The following RALGAPA1 variants were observed in gnomAD, a reference collection of about 807,000 sequenced individuals.
The protein encoded by RALGAPA1 is Ral GTPase activating protein catalytic subunit alpha 1.
RALGAPA1 carries 52 observed loss-of-function variants against 269.6 expected under a neutral mutation model. The ratio of observed to expected loss-of-function variants is 0.19; its 90% CI spans 0.15 to 0.24. RALGAPA1 has a LOEUF of 0.24. Among genes scored for constraint, RALGAPA1 ranks in the 10% least tolerant of loss-of-function variants. The pLI is 1.00. For synonymous variants in RALGAPA1, 817 were observed against 1,008.3 expected (o/e 0.81, Z 3.60); for missense variants, 1,917 against 3,013.9 (o/e 0.64, Z 8.52).
intron 35 of RALGAPA1, among the ~76,000 whole-genome samples, chr14:35,606,940 G>A (rs979636183): frequency 7.9e-5 from 12 of 152,140 alleles, no homozygotes; most frequent in African/African-American, 1.7e-4. Context: ...TTTAGGTGAT[G>A]AGCACATAGG....
At chr14:35,622,539 A>G (rs536664446) in intron 35 of RALGAPA1, among the ~76,000 whole-genome samples, 1 of 152,332 alleles carries the variant, frequency 6.6e-6, no homozygotes, top group South Asian at 2.1e-4. Flanking sequence ...AAATATATAC[A>G]CTTACAATGT....
intron 39 of RALGAPA1, among the ~76,000 whole-genome samples, chr14:35,559,621 C>T (rs2055976661): frequency 6.6e-6 from 1 of 152,154 alleles, no homozygotes; most frequent in Admixed American, 6.5e-5. Context: ...TCTCTTTCTT[C>T]TCGTGCACTG....
At chr14:35,624,156 C>CAAAAAAAAAAAAAAAAA (rs377171729) in intron 35 of RALGAPA1, among the ~76,000 whole-genome samples, 7 of 21,832 alleles carry the variant, frequency 3.2e-4, no homozygotes, top group Non-Finnish European at 5.5e-4. Context: ...TAATACAACG[C>CAAAAAAAAAAAAAAAAA]AAAAAAAAAA....
At chr14:35,678,386 C>T (rs374008922) in intron 21 of RALGAPA1, among the ~76,000 whole-genome samples, 31 of 152,144 alleles carry the variant, frequency 2.0e-4, no homozygotes, top group Middle Eastern at 3.4e-3. Context: ...CATTTCTGGC[C>T]CAGCTATAGA....
intron 31 of RALGAPA1, among the ~76,000 whole-genome samples, 161 bp downstream of exon 31, chr14:35,651,644 T>C (rs1337914700): frequency 6.6e-6 from 1 of 152,198 alleles, no homozygotes; most frequent in Non-Finnish European, 1.5e-5. Context: ...AACCAAAATA[T>C]AATTTAGTTA....
chr14:35,768,153 C>T, intron 4 of RALGAPA1, among the ~76,000 whole-genome samples: 1 of 152,088 alleles, frequency 6.6e-6, no homozygotes, highest in Non-Finnish European at 1.5e-5. Context: ...GCTTACTGCA[C>T]CCTTGAATTT....
chr14:35,654,117 C>T (rs2063022471), intron 30 of RALGAPA1, among the ~76,000 whole-genome samples: 1 of 152,178 alleles, frequency 6.6e-6, no homozygotes, highest in African/African-American at 2.4e-5. Flanking sequence ...GGATTACAGG[C>T]ATAAGCCACC....
chr14:35,795,993 A>G (rs575462199), intron 1 of RALGAPA1, among the ~76,000 whole-genome samples: 10 of 152,140 alleles, frequency 6.6e-5, no homozygotes, highest in Non-Finnish European at 1.5e-4. Flanking sequence ...AATATCCAAA[A>G]TATAAGAAAG....
At chr14:35,748,451 C>T (rs374665821) in intron 10 of RALGAPA1, 134 bp downstream of exon 10, 387 of 1,113,274 alleles carry the variant, frequency 3.5e-4, no homozygotes, top group Non-Finnish European at 3.4e-4. Context: ...TGGGCTCAAG[C>T]GATTCTCCCA....
At chr14:35,610,826 A>G (rs917310052) in intron 35 of RALGAPA1, among the ~76,000 whole-genome samples, 1 of 152,216 alleles carries the variant, frequency 6.6e-6, no homozygotes, top group Admixed American at 6.6e-5. Context: ...CTGATGTTCC[A>G]TACACTAGCA....
rs540749167 is a variant in RALGAPA1, at chr14:35,631,650, A to C, written c.5995+2924T>G. 2.0e-5 allele frequency among the ~76,000 whole-genome samples: 3 copies of C among 152,280 alleles called. No homozygotes were observed. In the East Asian group the frequency reaches 5.8e-4, roughly 29 times the overall value. On this transcript the variant is annotated intron_variant, in intron 33 of 41. Transcript: ENST00000680220. ...AATTGAAAAGAAACCACCATAGAAA[A>C]GAGAAGAATCCCTGGCTTTGGCTTG...
At chr14:35,599,714 T>C (rs2059156609) in intron 36 of RALGAPA1, among the ~76,000 whole-genome samples, 1 of 152,264 alleles carries the variant, frequency 6.6e-6, no homozygotes, top group African/African-American at 2.4e-5. Context: ...ATCATGCCAC[T>C]GCACTCCAGC....
chr14:35,579,498 C>T (rs1424315919), intron 37 of RALGAPA1, among the ~76,000 whole-genome samples: 1 of 151,116 alleles, frequency 6.6e-6, no homozygotes, highest in East Asian at 1.9e-4. Context: ...GTCCCAGCTA[C>T]TCGGGAGGCT....
In RALGAPA1 at chr14:35,689,605, C is replaced by G. The variant is rs962071099; in HGVS notation, c.2806G>C (p.Asp936His). 6 of 1,241,062 alleles carry G rather than the reference C, an allele frequency of 4.8e-6. No homozygotes were observed. The highest frequency in any genetic ancestry group is 5.0e-6 in the Non-Finnish European group (5 of 993,906). The allele number at this position is 1,241,062 out of a possible 1,614,324, so 76.9% of individuals were successfully genotyped here. A position where few individuals can be genotyped will look rare whatever the true frequency, so the allele number is the denominator to read the frequency against. ...EQIQYIDLEG[D>H]DDLLSTLKEY... ...TTCAGGGTGGAAAGAAGATCATCAT[C>G]TCCTTCAAGGTCAATGTACTGGATT... The change falls in exon 18 of 42, where the codon GAT (aspartate) becomes CAT (histidine). Residue 936 changes from aspartate to histidine, a missense_variant. Asp to His is a moderately conservative substitution (Grantham distance 81, BLOSUM62 -1). Transcript: ENST00000680220.
intron 37 of RALGAPA1, among the ~76,000 whole-genome samples, chr14:35,593,308 A>T (rs2058742533): frequency 6.6e-6 from 1 of 152,190 alleles, no homozygotes; most frequent in Non-Finnish European, 1.5e-5. Flanking sequence ...ATACTCTGAA[A>T]ACTATAAAAC....
chr14:35,776,930 C>T (rs1291452908), intron 1 of RALGAPA1, among the ~76,000 whole-genome samples: 5 of 151,858 alleles, frequency 3.3e-5, no homozygotes, highest in Non-Finnish European at 1.5e-5. Context: ...GTCAAAGTGG[C>T]CTGGTTCTCT....
intron 1 of RALGAPA1, among the ~76,000 whole-genome samples, chr14:35,794,497 C>G (rs978860766): frequency 2.6e-5 from 4 of 152,122 alleles, no homozygotes; most frequent in Non-Finnish European, 4.4e-5. Flanking sequence ...CCCTCCGTTG[C>G]CCAGGCTGGA....
rs780264336 is a variant in RALGAPA1, at chr14:35,684,004, T to C, written c.4295-19A>G. On this transcript the variant is annotated intron_variant, in intron 20 of 41. Transcript: ENST00000680220. ...CCAAAATCTATAGGAAGAAGAAATG[T>C]TATTATATGAGTCCCAATTACAAAG... 3 of 1,592,060 alleles carry C rather than the reference T, an allele frequency of 1.9e-6. No homozygotes were observed. The highest frequency in any genetic ancestry group is 2.6e-6 in the Non-Finnish European group (3 of 1,166,546).
In RALGAPA1 at chr14:35,548,536, G is replaced by A; in HGVS notation, c.7624C>T (p.His2542Tyr). Residue 2542 changes from histidine (H) to tyrosine (Y), a missense_variant and splice_region_variant, in exon 41 of 42, where the codon CAT (histidine) becomes TAT (tyrosine). By Grantham distance (83) the His-to-Tyr change is moderately conservative. This residue lies in a region of RALGAPA1 where 91 missense variants were observed against 130.9 expected (regional missense o/e 0.70). Coordinates refer to ENST00000680220, the MANE Select transcript of RALGAPA1 (RefSeq NM_001346249.2). Reference sequence around the variant, plus strand: ...CAGATAAACAGAACTGATATTTAATGATCTAAAGAGGGAAAATAAATGAAA... The same window carrying A: ...CAGATAAACAGAACTGATATTTAATAATCTAAAGAGGGAAAATAAATGAAA... ...PYHHLPSDAD[H>Y] is the part of the protein sequence containing the mutation. 6.4e-7 allele frequency: 1 copy of A among 1,572,878 alleles called. No individual in the cohort carries two copies. Among genetic ancestry groups the A allele is most frequent in the Non-Finnish European group, 8.7e-7 (1 of 1,152,100 alleles).
Sources: gnomAD v4.1 joint callset for allele counts (sites outside exome capture counted in the v4.1 genomes callset) on GRCh38, gnomAD v4.1.1 for gene constraint, gnomAD v4.1.1 regional missense constraint, MANE v1.5 for transcripts, NCBI Gene and HGNC (gene_info 2026-07-23, HGNC 2026-07-21) for gene names.